SLCO1A2: variants seen among roughly 807,000 people sequenced by gnomAD.
SLCO1A2 encodes the protein solute carrier organic anion transporter family member 1A2, also known as OATP-1.
Under a neutral mutation model 69.0 loss-of-function variants are expected in SLCO1A2, and 67 were observed. The observed-to-expected ratio is 0.97, with a 90% CI of 0.80 to 1.19. The LOEUF (loss-of-function observed/expected upper bound fraction) is 1.19. Ranked by LOEUF, SLCO1A2 falls within the 50% of genes most tolerant of loss-of-function variation. The probability of loss-of-function intolerance (pLI) is 0.00; values close to 1 mark genes in which losing one functional copy is unlikely to be tolerated. For missense variants in SLCO1A2, 787 were observed against 793.7 expected, an observed-to-expected ratio of 0.99 and a Z score of 0.10; for synonymous variants, 260 against 265.9, an observed-to-expected ratio of 0.98 and a Z score of 0.22.
At chr12:21,305,312 A>G (rs531085904) in intron 5 of SLCO1A2, among the ~76,000 whole-genome samples, 1 of 152,302 alleles carries the variant, frequency 6.6e-6, no homozygotes, top group South Asian at 2.1e-4. Flanking sequence ...TTCTAAGCCA[A>G]AATAGCTGGT....
intron 2 of SLCO1A2, among the ~76,000 whole-genome samples, chr12:21,325,078 A>C (rs1952110017): frequency 6.6e-6 from 1 of 152,130 alleles, no homozygotes. Flanking sequence ...CCAGTCTTTT[A>C]CCATAAGCCC....
intron 10 of SLCO1A2, 71 bp from the exon 11 acceptor site, chr12:21,294,181 A>C: frequency 1.7e-6 from 2 of 1,210,974 alleles, no homozygotes; most frequent in Non-Finnish European, 2.2e-6. Flanking sequence ...TTTTCATCTC[A>C]ATCCCCAGTT....
intron 1 of SLCO1A2, among the ~76,000 whole-genome samples, chr12:21,382,807 A>G (rs1162638546): frequency 6.6e-6 from 1 of 151,740 alleles, no homozygotes; most frequent in African/African-American, 2.4e-5. Context: ...AAAAAAAAAA[A>G]AAGAAAGAAA....
chr12:21,297,363 G>C (rs746449456), intron 9 of SLCO1A2, 41 bp downstream of exon 9: 24 of 1,546,798 alleles, frequency 1.6e-5, no homozygotes, highest in Admixed American at 6.9e-5. Context: ...CTGTTCGTGG[G>C]GGGGAAAGTG....
chr12:21,269,754 C>T lies in SLCO1A2; in HGVS notation c.1807G>A (p.Gly603Arg), dbSNP rs369215769. 7.5e-6 allele frequency: 12 copies of T among 1,608,844 alleles called. No homozygotes were observed. Among genetic ancestry groups the T allele is most frequent in the East Asian group, 4.5e-5 (2 of 44,764 alleles). ...DSTTFRYIYL[G>R]LPAALRGSSF... is the part of the protein sequence containing the mutation. ...GATCCTCTTAGTGCTGCCGGCAATCCGAGGTAGATGTATCTATTTTTTTAA... is the reference window on the plus strand; with the variant it reads ...GATCCTCTTAGTGCTGCCGGCAATCTGAGGTAGATGTATCTATTTTTTTAA... Residue 603 changes from glycine to arginine, a missense_variant, in exon 15 of 15, where the codon GGA becomes AGA. Coordinates refer to ENST00000683939, the MANE Select transcript of SLCO1A2 (RefSeq NM_001386879.1).
intron 2 of SLCO1A2, among the ~76,000 whole-genome samples, chr12:21,343,560 A>T (rs962536745): frequency 2.6e-5 from 4 of 152,076 alleles, no homozygotes; most frequent in African/African-American, 7.2e-5. Context: ...TCCATTCATC[A>T]AGATTGAATG....
intron 2 of SLCO1A2, among the ~76,000 whole-genome samples, chr12:21,359,920 T>G (rs1938692847): frequency 6.6e-6 from 1 of 152,140 alleles, no homozygotes; most frequent in South Asian, 2.1e-4. Flanking sequence ...GGCTAAACAT[T>G]TTGTAATATA....
At chr12:21,405,254 C>T (rs78113338) in intron 1 of SLCO1A2, among the ~76,000 whole-genome samples, 1 of 151,994 alleles carries the variant, frequency 6.6e-6, no homozygotes, top group Non-Finnish European at 1.5e-5. Flanking sequence ...TCAATTTTTG[C>T]TTTTGTTGCA....
rs1235907522 is a variant in SLCO1A2, at chr12:21,265,744, G to A, written c.*3804C>T. ...TGAAACCTGCACTCTCCAGTTCCTTGGCAAGCAAACAACAGCTTACCCTAC... is the reference window on the plus strand; with the variant it reads ...TGAAACCTGCACTCTCCAGTTCCTTAGCAAGCAAACAACAGCTTACCCTAC... On this transcript the variant is annotated 3_prime_UTR_variant, in exon 15 of 15. Transcript: ENST00000683939. 1.3e-5 allele frequency: 2 copies of A among 152,154 alleles called. No homozygotes were observed. The highest frequency in any genetic ancestry group is 3.4e-3 in the Middle Eastern group (1 of 294). The allele number at this position is 152,154 out of a possible 1,614,324, so 9.4% of individuals were successfully genotyped here.
chr12:21,338,689 T>A (rs1952968424), upstream of SLCO1A2, among the ~76,000 whole-genome samples: 1 of 151,966 alleles, frequency 6.6e-6, no homozygotes, highest in African/African-American at 2.4e-5. Flanking sequence ...ATTATCCCAA[T>A]TCTTATTTTC....
intron 1 of SLCO1A2, chr12:21,378,556 T>A: frequency 1.4e-6 from 1 of 735,166 alleles, no homozygotes; most frequent in Non-Finnish European, 2.3e-6. Flanking sequence ...GACATATACC[T>A]TCTCAAAAGA....
intron 2 of SLCO1A2, among the ~76,000 whole-genome samples, chr12:21,343,921 T>C (rs901538917): frequency 1.4e-4 from 21 of 152,054 alleles, no homozygotes; most frequent in African/African-American, 4.8e-4. Flanking sequence ...TCAAGACCAG[T>C]TGTTATGCAG....
At chr12:21,396,925 A>G (rs1941486984), upstream of SLCO1A2, among the ~76,000 whole-genome samples, 1 of 152,148 alleles carries the variant, frequency 6.6e-6, no homozygotes, top group South Asian at 2.1e-4. Flanking sequence ...ATCATGGCAA[A>G]ATGTAAAGAC....
chr12:21,363,716 T>C (rs1939131068), intron 2 of SLCO1A2, among the ~76,000 whole-genome samples: 1 of 152,032 alleles, frequency 6.6e-6, no homozygotes, highest in Admixed American at 6.6e-5. Flanking sequence ...AAAGGGGATA[T>C]CACCATCGAT....
At chr12:21,298,491 T>G (rs571471520) in intron 8 of SLCO1A2, among the ~76,000 whole-genome samples, 4 of 152,218 alleles carry the variant, frequency 2.6e-5, no homozygotes, top group Non-Finnish European at 5.9e-5. Context: ...GTTTGCTTAA[T>G]AAACTGCTCA....
intron 2 of SLCO1A2, among the ~76,000 whole-genome samples, chr12:21,364,598 A>G (rs1332616652): frequency 6.6e-6 from 1 of 152,204 alleles, no homozygotes; most frequent in Non-Finnish European, 1.5e-5. Flanking sequence ...GGAAAAGAGG[A>G]AGTCAAATTG....
At chr12:21,373,548 A>G (rs972270735) in intron 2 of SLCO1A2, 1 of 748,406 alleles carries the variant, frequency 1.3e-6, no homozygotes, top group African/African-American at 1.7e-5. Flanking sequence ...ACTTAAGAAC[A>G]GTACCTTCAG....
intron 12 of SLCO1A2, among the ~76,000 whole-genome samples, chr12:21,280,605 A>C (rs1043046307): frequency 6.6e-6 from 1 of 151,926 alleles, no homozygotes; most frequent in East Asian, 1.9e-4. Flanking sequence ...AGCTAAAGAG[A>C]GAGATAGAGC....
chr12:21,273,636 C>A (rs1326241774), intron 14 of SLCO1A2, among the ~76,000 whole-genome samples: 3 of 152,078 alleles, frequency 2.0e-5, no homozygotes, highest in African/African-American at 7.2e-5. Flanking sequence ...AATAGTGACC[C>A]TTGGGGTTCC....
Sources: gnomAD v4.1 joint callset for allele counts (sites outside exome capture counted in the v4.1 genomes callset) on GRCh38, gnomAD v4.1.1 for gene constraint, MANE v1.5 for transcripts, NCBI Gene and HGNC (gene_info 2026-07-23, HGNC 2026-07-21) for gene names.